Variants in ERBB4 observed in about 807,000 individuals in gnomAD.
ERBB4 encodes erb-b2 receptor tyrosine kinase 4.
In ERBB4, 42 loss-of-function variants were observed where a neutral mutation model predicts 158.0. The ratio of observed to expected loss-of-function variants is 0.27; its 90% confidence interval spans 0.21 to 0.34. The LOEUF (loss-of-function observed/expected upper bound fraction) is 0.34, where lower values mean the gene tolerates loss of function less well. ERBB4 is among the 10% of genes least tolerant of loss of function. The probability of loss-of-function intolerance (pLI) is 1.00; values close to 1 mark genes in which losing one functional copy is unlikely to be tolerated. For synonymous variants in ERBB4, 583 were observed against 558.7 expected, an observed-to-expected ratio of 1.04 and a Z score of -0.61; for missense variants, 1,333 against 1,624.1, an observed-to-expected ratio of 0.82 and a Z score of 3.08.
intron 1 of ERBB4, among the ~76,000 whole-genome samples, chr2:212,458,272 AT>A (rs552854736): frequency 1.4e-4 from 21 of 150,744 alleles, no homozygotes; most frequent in East Asian, 3.9e-4. Context: ...GGAAAATTCC[AT>A]TTTTTTTTAG....
At chr2:211,712,723 T>A (rs937831713) in intron 8 of ERBB4, among the ~76,000 whole-genome samples, 1 of 151,980 alleles carries the variant, frequency 6.6e-6, no homozygotes, top group Non-Finnish European at 1.5e-5. Flanking sequence ...AAATTGAACA[T>A]GCTTTCTGAA....
At chr2:212,117,468 T>A (rs1315281089) in intron 2 of ERBB4, among the ~76,000 whole-genome samples, 1 of 152,144 alleles carries the variant, frequency 6.6e-6, no homozygotes, top group African/African-American at 2.4e-5. Flanking sequence ...AAGAAAAACA[T>A]AGACTACTGT....
At chr2:212,475,899 T>C (rs1689363978) in intron 1 of ERBB4, among the ~76,000 whole-genome samples, 1 of 152,140 alleles carries the variant, frequency 6.6e-6, no homozygotes, top group African/African-American at 2.4e-5. Context: ...CCAATCACTT[T>C]CATCTCTGAA....
chr2:211,481,310 G>C (rs556378676), intron 20 of ERBB4, among the ~76,000 whole-genome samples: 11 of 152,114 alleles, frequency 7.2e-5, no homozygotes, highest in African/African-American at 2.7e-4. Flanking sequence ...TGAATTCTAA[G>C]AGATTGATAC....
chr2:211,986,033 C>T (rs1226749990), intron 2 of ERBB4, among the ~76,000 whole-genome samples: 1 of 152,112 alleles, frequency 6.6e-6, no homozygotes, highest in Non-Finnish European at 1.5e-5. Flanking sequence ...TTTAGGTTTT[C>T]ATAAGAAAAG....
At chr2:212,253,203 C>T (rs2084605224) in intron 1 of ERBB4, among the ~76,000 whole-genome samples, 1 of 151,974 alleles carries the variant, frequency 6.6e-6, no homozygotes, top group African/African-American at 2.4e-5. Context: ...CTAACATGTT[C>T]AATTAAAAGT....
intron 5 of ERBB4, among the ~76,000 whole-genome samples, chr2:211,732,771 G>A (rs555597803): frequency 6.6e-6 from 1 of 152,192 alleles, no homozygotes; most frequent in African/African-American, 2.4e-5. Context: ...TGACCAACAT[G>A]CTGAAACCCC....
At chr2:211,819,475 C>T (rs765409453) in intron 3 of ERBB4, among the ~76,000 whole-genome samples, 17 of 151,938 alleles carry the variant, frequency 1.1e-4, no homozygotes, top group Non-Finnish European at 1.9e-4. Flanking sequence ...CTAGAAAGAG[C>T]ATTCTAGGAA....
chr2:212,523,959 C>CA (rs1692310589), intron 1 of ERBB4, among the ~76,000 whole-genome samples: 1 of 151,956 alleles, frequency 6.6e-6, no homozygotes, highest in Non-Finnish European at 1.5e-5. Flanking sequence ...CTTACAATTT[C>CA]AAACAGCTGT....
In ERBB4 at chr2:212,538,650, C is replaced by T. The variant is rs369864666; in HGVS notation, c.-120G>A. ...CGTGGGGGTGCGAGGGGGGCGGGCG[C>T]GGCGCGCGCGGTGTGGCGACTCCCA... On this transcript the variant is annotated 5_prime_UTR_variant, in exon 1 of 28. Coordinates refer to ENST00000342788, the MANE Select transcript of ERBB4 (RefSeq NM_005235.3). 3.5e-5 allele frequency: 35 copies of T among 1,009,880 alleles called. 1 individual carries two copies. The African/African-American group carries it at 4.4e-4, about 13-fold the overall frequency. 62.6% of individuals were successfully genotyped at this position (1,009,880 alleles called of 1,614,324 possible).
In ERBB4 at chr2:211,636,784, C is replaced by A. The variant is rs1388357330; in HGVS notation, c.1947-6190G>T. Reference sequence around the variant, plus strand: ...ATAGGATCGAAAAAACTTCAGTTTACCTCTATGAAAGGGAATAATTCTATG... The same window carrying A: ...ATAGGATCGAAAAAACTTCAGTTTAACTCTATGAAAGGGAATAATTCTATG... On this transcript the variant is annotated intron_variant, in intron 16 of 27. Transcript: ENST00000342788. Among the ~76,000 whole-genome samples, 4 of 151,924 alleles carry A rather than the reference C, an allele frequency of 2.6e-5. No homozygotes were observed. The East Asian group carries it at 5.8e-4, about 22-fold the overall frequency.
At chr2:211,666,876 C>A (rs1394766602) in intron 14 of ERBB4, among the ~76,000 whole-genome samples, 2 of 152,110 alleles carry the variant, frequency 1.3e-5, no homozygotes, top group Non-Finnish European at 2.9e-5. Context: ...AGAGACAATT[C>A]TATCACATTT....
chr2:211,584,562 G>A (rs1346424538), intron 19 of ERBB4, among the ~76,000 whole-genome samples: 1 of 151,896 alleles, frequency 6.6e-6, no homozygotes, highest in African/African-American at 2.4e-5. Context: ...TTAGAACATA[G>A]ATCAAAATAT....
At chr2:212,414,712 GCTTT>G (rs1398293657) in intron 1 of ERBB4, among the ~76,000 whole-genome samples, 2 of 152,066 alleles carry the variant, frequency 1.3e-5, no homozygotes, top group African/African-American at 2.4e-5. Flanking sequence ...TTATTTCCTA[GCTTT>G]CTTTCTGTTT....
chr2:211,495,956 A>C (rs1053844239), intron 20 of ERBB4, among the ~76,000 whole-genome samples: 1 of 152,050 alleles, frequency 6.6e-6, no homozygotes, highest in African/African-American at 2.4e-5. Flanking sequence ...TATGATCAAA[A>C]ATAATCTCCA....
chr2:212,407,492 G>T (rs1487746293), intron 1 of ERBB4, among the ~76,000 whole-genome samples: 1 of 152,012 alleles, frequency 6.6e-6, no homozygotes, highest in South Asian at 2.1e-4. Context: ...CAAAGCCAGG[G>T]TTTGATCCCA....
At chr2:211,819,707 T>C (rs773558494) in intron 3 of ERBB4, among the ~76,000 whole-genome samples, 4 of 151,814 alleles carry the variant, frequency 2.6e-5, no homozygotes, top group Non-Finnish European at 5.9e-5. Context: ...AGTGGTATGT[T>C]TTAATTGTTA....
At chr2:212,471,337 C>A (rs1689107897) in intron 1 of ERBB4, among the ~76,000 whole-genome samples, 1 of 151,938 alleles carries the variant, frequency 6.6e-6, no homozygotes, top group Non-Finnish European at 1.5e-5. Flanking sequence ...TTTGCAGAGT[C>A]TTTAGCCTTT....
At chr2:211,783,101 A>G (rs1396433668) in intron 4 of ERBB4, among the ~76,000 whole-genome samples, 8 of 152,050 alleles carry the variant, frequency 5.3e-5, no homozygotes, top group African/African-American at 1.9e-4. Context: ...TGTAAGTTGG[A>G]TTCCTAGGTA....
Sources: gnomAD v4.1 joint callset for allele counts (sites outside exome capture counted in the v4.1 genomes callset) on GRCh38, gnomAD v4.1.1 for gene constraint, MANE v1.5 for transcripts, NCBI Gene and HGNC (gene_info 2026-07-23, HGNC 2026-07-21) for gene names.